The following VAV2 variants were observed in gnomAD, a reference collection of about 807,000 sequenced individuals.
VAV2 encodes the protein vav guanine nucleotide exchange factor 2.
A neutral mutation model predicts 132.5 loss-of-function variants in VAV2; 67 were observed. The observed-to-expected ratio is 0.51, with a 90% confidence interval of 0.42 to 0.62. The LOEUF is 0.62. Among genes scored for constraint, VAV2 ranks in the 20% least tolerant of loss-of-function variants. The probability of loss-of-function intolerance (pLI) is 0.00; values close to 1 mark genes in which losing one functional copy is unlikely to be tolerated. For missense variants in VAV2, 938 were observed against 1,153.6 expected (o/e 0.81, Z 2.71); for synonymous variants, 492 against 443.5 (o/e 1.11, Z -1.37).
intron 3 of VAV2, among the ~76,000 whole-genome samples, chr9:133,852,181 G>A (rs115746151): frequency 5.3e-5 from 8 of 151,950 alleles, no homozygotes; most frequent in South Asian, 2.1e-4. Flanking sequence ...TAGATGTAGC[G>A]ATGAGGGGAC....
intron 2 of VAV2, among the ~76,000 whole-genome samples, chr9:133,920,035 G>T (rs1840238553): frequency 6.6e-6 from 1 of 152,166 alleles, no homozygotes; most frequent in African/African-American, 2.4e-5. Context: ...GTGGGCCCCA[G>T]TGTGGACCCC....
At chr9:133,783,777 T>G (rs1834103322) in intron 18 of VAV2, among the ~76,000 whole-genome samples, 186 bp from the exon 19 acceptor site, 1 of 151,356 alleles carries the variant, frequency 6.6e-6, no homozygotes. Context: ...TGCTTTCCCC[T>G]ACCTCCACCA....
chr9:133,765,461 T>C (rs1319586081), intron 29 of VAV2, among the ~76,000 whole-genome samples: 1 of 152,184 alleles, frequency 6.6e-6, no homozygotes, highest in Non-Finnish European at 1.5e-5. Context: ...CTCAATCTAA[T>C]CATGAAGAAA....
intron 2 of VAV2, among the ~76,000 whole-genome samples, chr9:133,861,840 A>C (rs2131869378): frequency 6.6e-6 from 1 of 152,358 alleles, no homozygotes; most frequent in African/African-American, 2.4e-5. Flanking sequence ...GTAGGTGCCA[A>C]CACATTTCAG....
chr9:133,976,508 G>C (rs778332888), intron 1 of VAV2, among the ~76,000 whole-genome samples: 10 of 152,316 alleles, frequency 6.6e-5, no homozygotes, highest in Non-Finnish European at 1.2e-4. Flanking sequence ...ATGAAACGAG[G>C]CCTTCATTCC....
chr9:133,940,674 T>TGC (rs1451324488), intron 1 of VAV2, among the ~76,000 whole-genome samples: 1 of 48,484 alleles, frequency 2.1e-5, no homozygotes, highest in Non-Finnish European at 4.8e-5. Context: ...TCCACGTGCG[T>TGC]GTGTGTGTGT....
chr9:133,932,273 G>A (rs1219252593), intron 2 of VAV2, among the ~76,000 whole-genome samples: 1 of 152,230 alleles, frequency 6.6e-6, no homozygotes, highest in African/African-American at 2.4e-5. Flanking sequence ...AACAGGAAAG[G>A]ATCTACAGGC....
intron 2 of VAV2, among the ~76,000 whole-genome samples, chr9:133,902,433 G>A (rs1839481331): frequency 6.6e-6 from 1 of 152,218 alleles, no homozygotes; most frequent in Non-Finnish European, 1.5e-5. Context: ...GGCCAGCACT[G>A]GAAGCGGGGA....
intron 1 of VAV2, among the ~76,000 whole-genome samples, chr9:133,959,462 T>A (rs1252068746): frequency 1.3e-5 from 2 of 152,052 alleles, no homozygotes; most frequent in African/African-American, 4.8e-5. Context: ...TCACACCCCA[T>A]TCTGCTGCAG....
Position 133,969,690 on chromosome 9 carries a change from C to T in VAV2, c.204+22385G>A, listed in dbSNP as rs890994860. ...AAGCCTGACCCCAGAGCACCCTCTT[C>T]ATCACCCAAGTCCAATCCACCCCAA... On this transcript the variant is annotated intron_variant, in intron 1 of 29. Transcript: ENST00000371850. The surrounding 1 kb of genome is among the most constrained non-coding windows in gnomAD (Gnocchi z 5.1). Among the ~76,000 whole-genome samples the T allele has an allele frequency of 1.3e-4, 20 of 152,136 alleles. No homozygotes were observed. The highest frequency in any genetic ancestry group is 8.8e-5 in the Non-Finnish European group (6 of 68,002).
intron 1 of VAV2, among the ~76,000 whole-genome samples, chr9:133,967,882 A>G (rs1415261472): frequency 4.0e-5 from 6 of 148,968 alleles, no homozygotes; most frequent in Non-Finnish European, 8.9e-5. Context: ...GCAGTGAGCC[A>G]AGATCACACC....
chr9:133,985,226 T>TG (rs1842819080), intron 1 of VAV2, among the ~76,000 whole-genome samples: 1 of 137,154 alleles, frequency 7.3e-6, no homozygotes, highest in Non-Finnish European at 1.6e-5. Context: ...TCTTGCCTTA[T>TG]TGTGTGTGTG....
Position 133,930,256 on chromosome 9 carries a change from G to A in VAV2, c.321+8847C>T, listed in dbSNP as rs563414865. 1.1e-4 allele frequency among the ~76,000 whole-genome samples: 17 copies of A among 151,138 alleles called. No individual in the cohort carries two copies. The South Asian group carries it at 3.0e-3, about 26-fold the overall frequency. On this transcript the variant is annotated intron_variant, in intron 2 of 29. Coordinates refer to ENST00000371850, the MANE Select transcript of VAV2 (RefSeq NM_001134398.2). Reference sequence around the variant, plus strand: ...CCTCCCGGCATCCTCACTGCCTCCCGGCCTCTTCACTACCCTCCCTGCCTC... The same window carrying A: ...CCTCCCGGCATCCTCACTGCCTCCCAGCCTCTTCACTACCCTCCCTGCCTC...
In VAV2 at chr9:133,826,657, G is replaced by C. The variant is rs1396029684; in HGVS notation, c.449+7615C>G. ...CAACCACCCCTCCCCCAGCCACCTA[G>C]GATGAAGCGGTGGCTAAATAAAGCT... On this transcript the variant is annotated intron_variant, in intron 4 of 29. Coordinates refer to ENST00000371850, the MANE Select transcript of VAV2 (RefSeq NM_001134398.2). The surrounding 1 kb of genome is among the most constrained non-coding windows in gnomAD (Gnocchi z 4.2). Among the ~76,000 whole-genome samples the C allele has an allele frequency of 6.6e-6, 1 of 152,178 alleles. No individual in the cohort carries two copies. The highest frequency in any genetic ancestry group is 1.5e-5 in the Non-Finnish European group (1 of 68,016).
chr9:133,792,756 C>A (rs1383297712), intron 12 of VAV2, among the ~76,000 whole-genome samples: 1 of 148,872 alleles, frequency 6.7e-6, no homozygotes, highest in Non-Finnish European at 1.5e-5. Flanking sequence ...CCGGGGAGGC[C>A]GCCCTCGAGA....
intron 27 of VAV2, among the ~76,000 whole-genome samples, 186 bp downstream of exon 27, chr9:133,770,192 C>G (rs1342568510): frequency 6.6e-6 from 1 of 152,242 alleles, no homozygotes; most frequent in Non-Finnish European, 1.5e-5. Context: ...AGAGTCCCCG[C>G]CTGTCACATG....
chr9:133,871,541 A>T (rs1838056678), intron 2 of VAV2, among the ~76,000 whole-genome samples: 1 of 152,024 alleles, frequency 6.6e-6, no homozygotes, highest in African/African-American at 2.4e-5. Flanking sequence ...GCCGACTCAG[A>T]GAGATCCCTT....
intron 2 of VAV2, among the ~76,000 whole-genome samples, chr9:133,878,680 A>G (rs1838364929): frequency 6.6e-6 from 1 of 152,180 alleles, no homozygotes; most frequent in Non-Finnish European, 1.5e-5. Context: ...CGCCCGTCTC[A>G]GGAGGAGGAT....
intron 1 of VAV2, among the ~76,000 whole-genome samples, chr9:133,946,660 C>T (rs557798832): frequency 4.2e-4 from 64 of 152,362 alleles, no homozygotes; most frequent in African/African-American, 1.4e-3. Flanking sequence ...GGCCACAATG[C>T]TGCGTCGTGC....
Sources: gnomAD v4.1 joint callset for allele counts (sites outside exome capture counted in the v4.1 genomes callset) on GRCh38, gnomAD v4.1.1 for gene constraint, Gnocchi (gnomAD v3.1) non-coding constraint, MANE v1.5 for transcripts, NCBI Gene and HGNC (gene_info 2026-07-23, HGNC 2026-07-21) for gene names.